EFHB: variants seen among roughly 807,000 people sequenced by gnomAD.
EFHB encodes the protein EF-hand domain-containing family member B.
A neutral mutation model predicts 87.2 loss-of-function variants in EFHB; 91 were observed. That is an observed-to-expected ratio of 1.04 (90% CI 0.88 to 1.24). The LOEUF is 1.24. Among genes scored for constraint, EFHB ranks in the 50% most tolerant of loss-of-function variants. The pLI is 0.00. For synonymous variants in EFHB, 325 were observed against 333.6 expected, an observed-to-expected ratio of 0.97 and a Z score of 0.28; for missense variants, 1,084 against 998.8, an observed-to-expected ratio of 1.09 and a Z score of -1.15.
intron 10 of EFHB, among the ~76,000 whole-genome samples, chr3:19,885,580 A>G (rs2125125298): frequency 6.6e-6 from 1 of 152,318 alleles, no homozygotes; most frequent in South Asian, 2.1e-4. Context: ...ACCACTAGAG[A>G]GCGCTGTGGT....
intron 8 of EFHB, among the ~76,000 whole-genome samples, chr3:19,897,485 C>T (rs1215228990): frequency 6.6e-6 from 1 of 152,062 alleles, no homozygotes; most frequent in Non-Finnish European, 1.5e-5. Context: ...CAGAGGAGAC[C>T]TCCTGCCTCT....
At chr3:19,903,429 A>T (rs1694737990) in intron 6 of EFHB, among the ~76,000 whole-genome samples, 1 of 152,104 alleles carries the variant, frequency 6.6e-6, no homozygotes, top group Non-Finnish European at 1.5e-5. Flanking sequence ...TTATATTTCT[A>T]ACCCATTGAA....
At chr3:19,911,013 A>G (rs1211386049) in intron 5 of EFHB, among the ~76,000 whole-genome samples, 1 of 152,228 alleles carries the variant, frequency 6.6e-6, no homozygotes, top group Non-Finnish European at 1.5e-5. Context: ...GGACTACAAT[A>G]AATACCTAAC....
intron 5 of EFHB, among the ~76,000 whole-genome samples, chr3:19,906,356 T>A (rs1445655342): frequency 5.9e-5 from 9 of 151,984 alleles, no homozygotes; most frequent in Non-Finnish European, 1.3e-4. Flanking sequence ...ATAAGTGAAT[T>A]AAGTAAAGTC....
intron 9 of EFHB, among the ~76,000 whole-genome samples, chr3:19,893,509 G>A (rs1158509564): frequency 2.0e-5 from 3 of 152,160 alleles, no homozygotes; most frequent in Non-Finnish European, 4.4e-5. Flanking sequence ...ATGTTCAGGG[G>A]AGTGACAGAC....
At chr3:19,928,500 A>G (rs532479088) in intron 1 of EFHB, among the ~76,000 whole-genome samples, 5 of 152,330 alleles carry the variant, frequency 3.3e-5, no homozygotes, top group African/African-American at 1.2e-4. Context: ...CGCCCAGGAC[A>G]GTGGTGCGAT....
chr3:19,919,943 T>G lies in EFHB; in HGVS notation c.886A>C (p.Asn296His). Residue 296 changes from asparagine (N) to histidine (H), a missense_variant, in exon 3 of 13, where the codon AAC becomes CAC. Coordinates refer to ENST00000295824, the MANE Select transcript of EFHB (RefSeq NM_144715.4). ...ACTCCAGCAGGTGGATATCTGAAGT[T>G]GAAATACTTTTTTGCTTCAGGTGGA... ...ITPPEAKKYF[N>H]FRYPPAGVER... 6.2e-7 allele frequency: 1 copy of G among 1,613,774 alleles called. No individual in the cohort carries two copies. The highest frequency in any genetic ancestry group is 8.5e-7 in the Non-Finnish European group (1 of 1,179,778).
chr3:19,888,509 G>A lies in EFHB; in HGVS notation c.1868C>T (p.Ala623Val). The change falls in exon 10 of 13, where the codon GCA (alanine) becomes GTA (valine). Residue 623 changes from alanine (A) to valine (V), a missense_variant. Ala to Val is a moderately conservative substitution (Grantham distance 64). Coordinates refer to ENST00000295824, the MANE Select transcript of EFHB (RefSeq NM_144715.4). ...TTTGTCTTTCCAGTTAAGAAAATTT[G>A]CGAATTCCAGATAGTTAATGAAGCC... Reference protein sequence around the residue: ...NDGFINYLEFANFLNWKDKML... With the variant: ...NDGFINYLEFVNFLNWKDKML... The A allele has an allele frequency of 6.3e-7, 1 of 1,577,104 alleles. No homozygotes were observed. The highest frequency in any genetic ancestry group is 8.6e-7 in the Non-Finnish European group (1 of 1,159,522).
At chr3:19,921,827 T>C (rs1218163633) in intron 1 of EFHB, among the ~76,000 whole-genome samples, 1 of 152,150 alleles carries the variant, frequency 6.6e-6, no homozygotes, top group Non-Finnish European at 1.5e-5. Context: ...CCAGGGAATA[T>C]TGTCTCTCTC....
At position 19,945,591 on chromosome 3, in the gene EFHB, A is replaced by C. The variant is rs565258002; in HGVS notation, c.-32+1328T>G. ...TAAGCAGAAGCAGGTTTGGAGTGGAATAGGTTTCGTTTTGGGCATACTGTT... is the reference window on the plus strand; with the variant it reads ...TAAGCAGAAGCAGGTTTGGAGTGGACTAGGTTTCGTTTTGGGCATACTGTT... On this transcript the variant is annotated intron_variant, in intron 1 of 14. Coordinates refer to the EFHB transcript ENST00000344838. Among the ~76,000 whole-genome samples the C allele has an allele frequency of 9.9e-5, 15 of 152,232 alleles. No individual in the cohort carries two copies. In the Middle Eastern group the frequency reaches 0.017, roughly 173 times the overall value.
chr3:19,915,448 A>T (rs749461148), intron 4 of EFHB, 35 bp from the exon 5 acceptor site: 2 of 1,411,480 alleles, frequency 1.4e-6, no homozygotes, highest in Non-Finnish European at 9.9e-7. Flanking sequence ...GTTCCAAGTC[A>T]CTTTTTAACC....
intron 9 of EFHB, chr3:19,895,007 T>TAA (rs1553629712): frequency 2.7e-5 from 4 of 147,106 alleles, no homozygotes; most frequent in African/African-American, 2.5e-5. Flanking sequence ...TATGTATATA[T>TAA]AAAAATATAT....
At chr3:19,914,519 C>A (rs531165107) in intron 5 of EFHB, among the ~76,000 whole-genome samples, 1 of 152,040 alleles carries the variant, frequency 6.6e-6, no homozygotes, top group Non-Finnish European at 1.5e-5. Context: ...AGACATGAAA[C>A]TTTAAGACAA....
chr3:19,908,598 G>GAGAGAGAGAGAGAA (rs1694937855), intron 5 of EFHB, among the ~76,000 whole-genome samples: 5 of 77,852 alleles, frequency 6.4e-5, no homozygotes, highest in East Asian at 5.7e-4. Flanking sequence ...GAGAGAGAGA[G>GAGAGAGAGAGAGAA]AGAAAGAAAG....
intron 10 of EFHB, 65 bp downstream of exon 10, chr3:19,888,379 A>G: frequency 4.2e-6 from 4 of 944,158 alleles, no homozygotes; most frequent in Non-Finnish European, 5.6e-6. Context: ...TGTATTAAAA[A>G]TAATAATAAT....
At chr3:19,925,997 T>C (rs1695610169) in intron 1 of EFHB, among the ~76,000 whole-genome samples, 1 of 152,180 alleles carries the variant, frequency 6.6e-6, no homozygotes, top group Admixed American at 6.5e-5. Flanking sequence ...AAACATCCAA[T>C]TCCCAGAATT....
At chr3:19,879,893 ATTTTTCC>A in intron 12 of EFHB, 89 bp from the exon 13 acceptor site, 1 of 1,328,602 alleles carries the variant, frequency 7.5e-7, no homozygotes, top group African/African-American at 1.5e-5. Flanking sequence ...GACTATGGAT[ATTTTTCC>A]AAAAAAGTAT....
intron 4 of EFHB, among the ~76,000 whole-genome samples, chr3:19,915,728 T>C (rs1695206385): frequency 6.7e-6 from 1 of 149,866 alleles, no homozygotes; most frequent in African/African-American, 2.5e-5. Flanking sequence ...GAGATCAGCC[T>C]GGCCAACATG....
At chr3:19,918,712 C>T (rs1159961790) in intron 3 of EFHB, among the ~76,000 whole-genome samples, 7 of 151,670 alleles carry the variant, frequency 4.6e-5, no homozygotes, top group South Asian at 2.1e-4. Context: ...TAGTGGCTGA[C>T]GCCTGTAATC....
Sources: allele counts gnomAD v4.1 joint callset (sites outside exome capture counted in the v4.1 genomes callset), GRCh38; gene constraint gnomAD v4.1.1; transcripts MANE v1.5; gene names NCBI Gene and HGNC (gene_info 2026-07-23, HGNC 2026-07-21).